The following GRIA4 variants were observed in gnomAD, a reference collection of about 807,000 sequenced individuals.
GRIA4 encodes the protein glutamate receptor 4.
A neutral mutation model predicts 104.0 loss-of-function variants in GRIA4; 34 were observed. The ratio of observed to expected loss-of-function variants is 0.33; its 90% CI spans 0.25 to 0.44. GRIA4 has a LOEUF of 0.44. GRIA4 is among the 20% of genes least tolerant of loss of function. The pLI, the probability that GRIA4 is intolerant of heterozygous loss-of-function variation, is 1.00. For synonymous variants in GRIA4, 386 were observed against 381.9 expected (o/e 1.01, Z -0.13); for missense variants, 750 against 1,096.5 (o/e 0.68, Z 4.46).
intron 4 of GRIA4, among the ~76,000 whole-genome samples, chr11:105,830,515 C>A (rs1943936462): frequency 6.6e-6 from 1 of 151,940 alleles, no homozygotes; most frequent in Admixed American, 6.6e-5. Context: ...GGCTCATAGC[C>A]CCTATAGAGT....
At chr11:105,644,970 T>C (rs890138618) in intron 3 of GRIA4, among the ~76,000 whole-genome samples, 1 of 152,128 alleles carries the variant, frequency 6.6e-6, no homozygotes, top group Non-Finnish European at 1.5e-5. Context: ...GCCTGGGAGC[T>C]AAGCAGTGCG....
intron 3 of GRIA4, among the ~76,000 whole-genome samples, chr11:105,694,759 C>A (rs966934303): frequency 7.2e-5 from 11 of 152,070 alleles, no homozygotes; most frequent in Admixed American, 2.6e-4. Context: ...TTTCATAAAG[C>A]TTTCTAATAA....
intron 3 of GRIA4, among the ~76,000 whole-genome samples, chr11:105,633,216 T>G (rs1951083715): frequency 6.6e-6 from 1 of 152,228 alleles, no homozygotes; most frequent in African/African-American, 2.4e-5. Context: ...TGTTTGAAAA[T>G]GAACTTAAAT....
intron 4 of GRIA4, among the ~76,000 whole-genome samples, chr11:105,759,481 A>G (rs1203850993): frequency 2.6e-5 from 4 of 152,124 alleles, no homozygotes; most frequent in Non-Finnish European, 5.9e-5. Context: ...AATACAAACT[A>G]CATATGTCAC....
At chr11:105,667,832 A>G (rs959939246) in intron 3 of GRIA4, among the ~76,000 whole-genome samples, 8 of 151,880 alleles carry the variant, frequency 5.3e-5, no homozygotes, top group Non-Finnish European at 1.2e-4. Flanking sequence ...CTTTCTTTTT[A>G]ATTTTGTGGT....
intron 4 of GRIA4, among the ~76,000 whole-genome samples, chr11:105,778,790 T>C (rs1453384123): frequency 8.6e-6 from 1 of 116,322 alleles, no homozygotes; most frequent in Admixed American, 8.7e-5. Flanking sequence ...TGTAGATCTT[T>C]TTTTATTATT....
chr11:105,753,604 T>G (rs534253855), intron 4 of GRIA4, among the ~76,000 whole-genome samples: 7 of 152,112 alleles, frequency 4.6e-5, no homozygotes, highest in Middle Eastern at 3.2e-3. Flanking sequence ...CACATGTACT[T>G]CCATTCAATC....
intron 5 of GRIA4, among the ~76,000 whole-genome samples, chr11:105,884,204 T>G (rs749939615): frequency 7.2e-5 from 11 of 152,256 alleles, no homozygotes; most frequent in Non-Finnish European, 1.6e-4. Flanking sequence ...CAGCCACACT[T>G]GTGTGAACAC....
intron 14 of GRIA4, among the ~76,000 whole-genome samples, chr11:105,941,709 T>C (rs582479): frequency 0.63 from 95,705 of 151,896 alleles, 30,274 homozygotes; most frequent in Middle Eastern, 0.69. Context: ...CAAACAAATG[T>C]GACACAAACA....
intron 9 of GRIA4, 22 bp from the exon 10 acceptor site, chr11:105,910,413 A>T (rs1297097097): frequency 1.7e-6 from 2 of 1,143,032 alleles, no homozygotes; most frequent in Non-Finnish European, 2.7e-6. Context: ...ATATGTTTTC[A>T]AGCATGTTCT....
At chr11:105,754,186 C>T (rs1468898259) in intron 4 of GRIA4, among the ~76,000 whole-genome samples, 2 of 152,076 alleles carry the variant, frequency 1.3e-5, no homozygotes, top group South Asian at 2.1e-4. Flanking sequence ...CTCATTAGCA[C>T]ACTAGAGACA....
At chr11:105,953,619 A>G (rs1948512174) in intron 14 of GRIA4, among the ~76,000 whole-genome samples, 1 of 79,542 alleles carries the variant, frequency 1.3e-5, no homozygotes, top group Non-Finnish European at 2.4e-5. Flanking sequence ...GCACATATAC[A>G]TGTATACACA....
chr11:105,666,790 T>C (rs1035183532), intron 3 of GRIA4, among the ~76,000 whole-genome samples: 5 of 151,958 alleles, frequency 3.3e-5, no homozygotes, highest in Admixed American at 2.6e-4. Flanking sequence ...GAAACATTAT[T>C]TAATTCTCTC....
intron 3 of GRIA4, among the ~76,000 whole-genome samples, chr11:105,739,407 T>C (rs1939172304): frequency 6.6e-6 from 1 of 152,304 alleles, no homozygotes; most frequent in East Asian, 1.9e-4. Flanking sequence ...TTATATCTCA[T>C]TGTGATCTTT....
At chr11:105,857,968 C>G (rs1025243742) in intron 4 of GRIA4, among the ~76,000 whole-genome samples, 3 of 152,108 alleles carry the variant, frequency 2.0e-5, no homozygotes, top group Non-Finnish European at 4.4e-5. Flanking sequence ...CAAAATAGGT[C>G]ATTATCCATG....
At chr11:105,773,558 G>T (rs1565535113) in intron 4 of GRIA4, among the ~76,000 whole-genome samples, 1 of 152,062 alleles carries the variant, frequency 6.6e-6, no homozygotes, top group Non-Finnish European at 1.5e-5. Context: ...AGCACGCTGG[G>T]CTCTACGCAT....
chr11:105,711,127 G>C (rs182207692), intron 3 of GRIA4, among the ~76,000 whole-genome samples: 1 of 152,074 alleles, frequency 6.6e-6, no homozygotes, highest in Non-Finnish European at 1.5e-5. Flanking sequence ...TATGTGGTAA[G>C]AAATATAATG....
intron 3 of GRIA4, among the ~76,000 whole-genome samples, chr11:105,708,815 G>A (rs1953803816): frequency 6.6e-6 from 1 of 151,830 alleles, no homozygotes; most frequent in African/African-American, 2.4e-5. Flanking sequence ...ATAAGAATGA[G>A]TTCATAGTTT....
At chr11:105,886,736 A>G (rs1387190879) in intron 5 of GRIA4, among the ~76,000 whole-genome samples, 1 of 152,138 alleles carries the variant, frequency 6.6e-6, no homozygotes, top group Non-Finnish European at 1.5e-5. Flanking sequence ...GCTGCTCATT[A>G]GTAACTGAAA....
Sources: allele counts gnomAD v4.1 joint callset (sites outside exome capture counted in the v4.1 genomes callset), GRCh38; gene constraint gnomAD v4.1.1; transcripts MANE v1.5; gene names NCBI Gene and HGNC (gene_info 2026-07-23, HGNC 2026-07-21).